Variants in CACNA2D3 observed in about 807,000 individuals in gnomAD.
CACNA2D3 encodes the protein voltage-dependent calcium channel subunit alpha-2/delta-3.
CACNA2D3 carries 60 observed loss-of-function variants against 160.6 expected under a neutral mutation model. The observed-to-expected ratio is 0.37, with a 90% CI of 0.30 to 0.46. The LOEUF is 0.46. Among genes scored for constraint, CACNA2D3 ranks in the 20% least tolerant of loss-of-function variants. The pLI, the probability that CACNA2D3 is intolerant of heterozygous loss-of-function variation, is 1.00. For synonymous variants in CACNA2D3, 558 were observed against 492.9 expected (o/e 1.13, Z -1.75); for missense variants, 1,205 against 1,365.0 (o/e 0.88, Z 1.85).
intron 11 of CACNA2D3, among the ~76,000 whole-genome samples, chr3:54,646,194 GCTTCCTTCCTTCCTTCCTTCCTTCCTTC>G (rs1169806180): frequency 2.2e-4 from 3 of 13,434 alleles, no homozygotes; most frequent in African/African-American, 4.8e-4. Context: ...CTCCTTCCTT[GCTTCCTTCCTTCCTTCCTTCCTTCCTTC>G]CTTCCTTCCT....
At chr3:54,749,325 A>G (rs1163911736) in intron 11 of CACNA2D3, among the ~76,000 whole-genome samples, 2 of 152,236 alleles carry the variant, frequency 1.3e-5, no homozygotes, top group Non-Finnish European at 2.9e-5. Context: ...CCAGTCAGCT[A>G]TCAATAAAGA....
chr3:54,415,472 T>C (rs959326806), intron 4 of CACNA2D3, among the ~76,000 whole-genome samples: 3 of 152,200 alleles, frequency 2.0e-5, no homozygotes, highest in Non-Finnish European at 2.9e-5. Flanking sequence ...TTTCATAATA[T>C]ACATATCTCC....
intron 4 of CACNA2D3, among the ~76,000 whole-genome samples, chr3:54,473,896 C>G (rs981771517): frequency 3.9e-5 from 6 of 152,132 alleles, no homozygotes; most frequent in Admixed American, 1.3e-4. Context: ...AGTCGGGAAA[C>G]AACAGATGCT....
chr3:54,891,180 CGTGT>C lies in CACNA2D3; in HGVS notation c.2151-136_2151-133del, dbSNP rs3836392. 7.3e-3 allele frequency among the ~76,000 whole-genome samples: 1,041 copies of C among 141,952 alleles called. 4 individuals are homozygous for C. Among genetic ancestry groups the C allele is most frequent in the African/African-American group, 0.011 (418 of 37,920 alleles). The allele number at this position is 141,952 out of a possible 152,430, so 93.1% of individuals were successfully genotyped here. A position where few individuals can be genotyped will look rare whatever the true frequency, so the allele number is the denominator to read the frequency against. ...GGGATACAAGTTGGCAATCTGTGCT[CGTGT>C]GTGTGTGTGTGTGTGTGTGTGTGTG... On this transcript the variant is annotated intron_variant, in intron 24 of 37. Coordinates refer to ENST00000474759, the MANE Select transcript of CACNA2D3 (RefSeq NM_018398.3).
At chr3:54,737,528 T>G (rs1351951407) in intron 11 of CACNA2D3, among the ~76,000 whole-genome samples, 2 of 151,376 alleles carry the variant, frequency 1.3e-5, no homozygotes, top group East Asian at 3.9e-4. Flanking sequence ...AAGAAGAGGG[T>G]GGTTGGGAAT....
chr3:54,452,080 A>T (rs1039526367), intron 4 of CACNA2D3, among the ~76,000 whole-genome samples: 1 of 152,176 alleles, frequency 6.6e-6, no homozygotes, highest in Admixed American at 6.5e-5. Flanking sequence ...GTTCATGAAA[A>T]TATATTGTAT....
At chr3:55,042,106 A>T (rs1703971041) in intron 35 of CACNA2D3, among the ~76,000 whole-genome samples, 1 of 152,114 alleles carries the variant, frequency 6.6e-6, no homozygotes, top group African/African-American at 2.4e-5. Flanking sequence ...TGTGCATTTT[A>T]AAAGAATGTA....
intron 2 of CACNA2D3, among the ~76,000 whole-genome samples, chr3:54,258,909 G>T (rs1023915040): frequency 4.6e-5 from 7 of 152,196 alleles, no homozygotes; most frequent in Non-Finnish European, 1.5e-5. Context: ...AGTTGCATGT[G>T]ATTAGATACA....
At chr3:54,668,068 A>C (rs1700100246) in intron 11 of CACNA2D3, among the ~76,000 whole-genome samples, 1 of 152,238 alleles carries the variant, frequency 6.6e-6, no homozygotes, top group Non-Finnish European at 1.5e-5. Context: ...TATTTATTAT[A>C]ACCTTGCTGT....
At chr3:54,599,864 C>T (rs1703031005) in intron 9 of CACNA2D3, among the ~76,000 whole-genome samples, 3 of 152,198 alleles carry the variant, frequency 2.0e-5, no homozygotes, top group Non-Finnish European at 4.4e-5. Flanking sequence ...CTGAGCCTGC[C>T]AGGCACACGG....
chr3:54,122,968 CT>C (rs1699505719), intron 1 of CACNA2D3, 133 bp downstream of exon 1: 6 of 838,586 alleles, frequency 7.2e-6, no homozygotes, highest in Non-Finnish European at 7.8e-6. Flanking sequence ...TCGCACCTGC[CT>C]TTCGGGACCC....
intron 2 of CACNA2D3, among the ~76,000 whole-genome samples, chr3:54,274,075 G>A (rs11720066): frequency 0.15 from 23,075 of 151,900 alleles, 2,139 homozygotes; most frequent in Admixed American, 0.2. Flanking sequence ...GTTTGTGTTA[G>A]TCTACTGGAA....
chr3:54,635,895 C>T (rs543897191), intron 10 of CACNA2D3, among the ~76,000 whole-genome samples: 2 of 152,118 alleles, frequency 1.3e-5, no homozygotes, highest in Admixed American at 6.5e-5. Context: ...GACTGGTGGC[C>T]TTCTCAGACC....
intron 4 of CACNA2D3, among the ~76,000 whole-genome samples, chr3:54,466,249 A>G (rs560705970): frequency 1.3e-5 from 2 of 152,210 alleles, no homozygotes; most frequent in Non-Finnish European, 2.9e-5. Context: ...AATTCTGACT[A>G]CCACAGTGAG....
chr3:54,162,791 C>G (rs551763298), intron 2 of CACNA2D3, among the ~76,000 whole-genome samples: 50 of 152,272 alleles, frequency 3.3e-4, no homozygotes, highest in African/African-American at 1.1e-3. Flanking sequence ...AGATTCTGTC[C>G]TAAGGATTCA....
chr3:54,951,633 C>G (rs1701759643), intron 27 of CACNA2D3, among the ~76,000 whole-genome samples: 1 of 151,872 alleles, frequency 6.6e-6, no homozygotes, highest in African/African-American at 2.4e-5. Flanking sequence ...CTGAGTCAGG[C>G]GTGCAGGGCT....
chr3:54,921,290 C>T (rs1312928657), intron 27 of CACNA2D3, among the ~76,000 whole-genome samples: 3 of 152,186 alleles, frequency 2.0e-5, no homozygotes, highest in African/African-American at 4.8e-5. Flanking sequence ...CCTCTGCTTG[C>T]TCATCTGGAA....
chr3:54,520,321 G>A (rs548817283), intron 5 of CACNA2D3, among the ~76,000 whole-genome samples: 4 of 152,262 alleles, frequency 2.6e-5, no homozygotes, highest in African/African-American at 9.6e-5. Flanking sequence ...GCCCAGCAGT[G>A]GGAGGCTGGC....
intron 4 of CACNA2D3, among the ~76,000 whole-genome samples, chr3:54,402,330 C>T (rs1333911102): frequency 2.0e-5 from 3 of 151,978 alleles, no homozygotes; most frequent in African/African-American, 2.4e-5. Context: ...AACCAAAAGA[C>T]ATAGAGTGGC....
Sources: gnomAD v4.1 joint callset for allele counts (sites outside exome capture counted in the v4.1 genomes callset) on GRCh38, gnomAD v4.1.1 for gene constraint, MANE v1.5 for transcripts, NCBI Gene and HGNC (gene_info 2026-07-23, HGNC 2026-07-21) for gene names.